Variants in CNTN4 observed in about 807,000 individuals in gnomAD.
CNTN4 encodes contactin 4.
A neutral mutation model predicts 122.5 loss-of-function variants in CNTN4; 77 were observed. The observed-to-expected ratio is 0.63, with a 90% confidence interval of 0.52 to 0.76. The LOEUF (loss-of-function observed/expected upper bound fraction) is 0.76, where lower values mean the gene tolerates loss of function less well. Ranked by LOEUF, CNTN4 falls within the 30% of genes least tolerant of loss-of-function variation. CNTN4 has a pLI of 0.00. For synonymous variants in CNTN4, 512 were observed against 447.0 expected, an observed-to-expected ratio of 1.15 and a Z score of -1.83; for missense variants, 1,256 against 1,259.1, an observed-to-expected ratio of 1.00 and a Z score of 0.04.
chr3:2,317,090 A>G (rs2043129403), intron 2 of CNTN4, among the ~76,000 whole-genome samples: 1 of 152,176 alleles, frequency 6.6e-6, no homozygotes, highest in African/African-American at 2.4e-5. Context: ...TACTTGTAAC[A>G]CTATCAATAC....
At chr3:2,902,449 T>A (rs2094185285) in intron 11 of CNTN4, among the ~76,000 whole-genome samples, 2 of 152,192 alleles carry the variant, frequency 1.3e-5, no homozygotes, top group Non-Finnish European at 2.9e-5. Context: ...GTAATCCTAT[T>A]AACCTTCAAA....
At chr3:2,310,163 C>G (rs1448239198) in intron 2 of CNTN4, among the ~76,000 whole-genome samples, 1 of 152,078 alleles carries the variant, frequency 6.6e-6, no homozygotes, top group Non-Finnish European at 1.5e-5. Flanking sequence ...TGAGACATTA[C>G]GATAAGGGGA....
chr3:2,452,652 A>G (rs1282844268), intron 3 of CNTN4, among the ~76,000 whole-genome samples: 1 of 152,102 alleles, frequency 6.6e-6, no homozygotes, highest in Non-Finnish European at 1.5e-5. Flanking sequence ...ATTTATCTTT[A>G]ATGAATGCCA....
At chr3:2,244,742 A>G (rs1168605999) in intron 2 of CNTN4, among the ~76,000 whole-genome samples, 2 of 152,074 alleles carry the variant, frequency 1.3e-5, no homozygotes, top group South Asian at 4.1e-4. Flanking sequence ...GGAAAGGTTA[A>G]ATAAAGTATG....
intron 3 of CNTN4, among the ~76,000 whole-genome samples, chr3:2,424,559 A>G (rs1559540434): frequency 6.6e-6 from 1 of 152,186 alleles, no homozygotes; most frequent in African/African-American, 2.4e-5. Context: ...AGCATGATTT[A>G]TAATCCTTTG....
chr3:2,315,134 A>C (rs1305176879), intron 2 of CNTN4, among the ~76,000 whole-genome samples: 1 of 152,144 alleles, frequency 6.6e-6, no homozygotes, highest in Non-Finnish European at 1.5e-5. Flanking sequence ...TCACAGAATT[A>C]AAAGAATTAG....
At chr3:2,276,212 G>A (rs927902036) in intron 2 of CNTN4, among the ~76,000 whole-genome samples, 1 of 151,546 alleles carries the variant, frequency 6.6e-6, no homozygotes, top group African/African-American at 2.4e-5. Flanking sequence ...TCACTCTGCT[G>A]CCCAGGCTGG....
Position 2,124,377 on chromosome 3 carries a change from T to C in CNTN4, c.-145+23738T>C, listed in dbSNP as rs76149287. The stretch of plus-strand genomic sequence containing the variant: ...TACTTTCTTGGCAGATAGAGGATTC[T>C]TTTATCTTTGGGGTCATGCATTTTT... On this transcript the variant is annotated intron_variant, in intron 2 of 24. Coordinates refer to ENST00000418658, the MANE Select transcript of CNTN4 (RefSeq NM_175607.3). Among the ~76,000 whole-genome samples, 490 of 152,058 alleles carry C rather than the reference T, an allele frequency of 3.2e-3. 6 individuals carry two copies. The highest frequency in any genetic ancestry group is 0.023 in the Admixed American group (353 of 15,246).
At chr3:2,750,005 G>T (rs1207983390) in intron 6 of CNTN4, among the ~76,000 whole-genome samples, 1 of 152,130 alleles carries the variant, frequency 6.6e-6, no homozygotes, top group East Asian at 1.9e-4. Context: ...ACTATACCAT[G>T]CAAGTGAGAA....
intron 3 of CNTN4, among the ~76,000 whole-genome samples, chr3:2,368,677 A>T (rs1336322900): frequency 5.3e-5 from 8 of 152,082 alleles, no homozygotes; most frequent in Admixed American, 6.5e-5. Flanking sequence ...AATAAAAAAA[A>T]ACTGAACAGA....
At chr3:2,536,278 A>G (rs2077802210) in intron 3 of CNTN4, among the ~76,000 whole-genome samples, 1 of 152,216 alleles carries the variant, frequency 6.6e-6, no homozygotes, top group Admixed American at 6.5e-5. Context: ...AAGTTTACTC[A>G]AATGCATTCT....
rs192043138 is a variant in CNTN4, at chr3:2,134,869, A to G, written c.-145+34230A>G. Among the ~76,000 whole-genome samples, 562 of 152,326 alleles carry G rather than the reference A, an allele frequency of 3.7e-3. 4 individuals carry two copies. Among genetic ancestry groups the G allele is most frequent in the African/African-American group, 0.012 (509 of 41,578 alleles). On this transcript the variant is annotated intron_variant, in intron 2 of 24. Transcript: ENST00000418658. ...AATTGATTGGGTGAGGACCTCCCAC[A>G]TTATGGAGGGCAATCTGCTTTACTT...
intron 7 of CNTN4, among the ~76,000 whole-genome samples, chr3:2,826,778 A>G (rs1201136379): frequency 6.6e-6 from 1 of 152,232 alleles, no homozygotes; most frequent in Non-Finnish European, 1.5e-5. Context: ...CTCTATGCCC[A>G]GAATAATCTT....
At chr3:2,213,795 A>G (rs1289271132) in intron 2 of CNTN4, among the ~76,000 whole-genome samples, 2 of 152,204 alleles carry the variant, frequency 1.3e-5, no homozygotes, top group Non-Finnish European at 2.9e-5. Flanking sequence ...CTGGGAGCAT[A>G]AAGTAACAAA....
At chr3:2,818,806 C>T (rs1460106606) in intron 6 of CNTN4, among the ~76,000 whole-genome samples, 1 of 152,162 alleles carries the variant, frequency 6.6e-6, no homozygotes, top group African/African-American at 2.4e-5. Flanking sequence ...GAACCATGAA[C>T]AGTACCTTCT....
intron 2 of CNTN4, among the ~76,000 whole-genome samples, chr3:2,199,229 C>T (rs568088699): frequency 2.6e-5 from 4 of 152,256 alleles, no homozygotes; most frequent in African/African-American, 9.6e-5. Flanking sequence ...AGCTAACCTC[C>T]TGCATGAAGG....
chr3:2,396,227 G>A (rs1035016989), intron 3 of CNTN4, among the ~76,000 whole-genome samples: 6 of 151,966 alleles, frequency 3.9e-5, no homozygotes, highest in South Asian at 2.1e-4. Flanking sequence ...GTTTTGTAAC[G>A]TGGCCCAGGC....
At chr3:2,992,073 G>T (rs145299604) in intron 14 of CNTN4, among the ~76,000 whole-genome samples, 1 of 152,286 alleles carries the variant, frequency 6.6e-6, no homozygotes, top group Non-Finnish European at 1.5e-5. Flanking sequence ...AGAGGCTGAA[G>T]ATAGTGTCAA....
intron 6 of CNTN4, among the ~76,000 whole-genome samples, chr3:2,816,153 G>C (rs2092722529): frequency 6.6e-6 from 1 of 151,824 alleles, no homozygotes; most frequent in South Asian, 2.1e-4. Context: ...AGGAGATCGA[G>C]ACCATCCTGG....
Sources: gnomAD v4.1 joint callset for allele counts (sites outside exome capture counted in the v4.1 genomes callset) on GRCh38, gnomAD v4.1.1 for gene constraint, MANE v1.5 for transcripts, NCBI Gene and HGNC (gene_info 2026-07-23, HGNC 2026-07-21) for gene names.